The following RAB18 variants were observed in gnomAD, a reference collection of about 807,000 sequenced individuals.
The protein encoded by RAB18 is ras-related protein Rab-18.
In RAB18, 10 loss-of-function variants were observed where a neutral mutation model predicts 28.5. The observed-to-expected ratio is 0.35, with a 90% CI of 0.22 to 0.60. RAB18 has a LOEUF of 0.60. Ranked by LOEUF, RAB18 falls within the 20% of genes least tolerant of loss-of-function variation. The pLI, the probability that RAB18 is intolerant of heterozygous loss-of-function variation, is 0.78. For synonymous variants in RAB18, 93 were observed against 86.9 expected (o/e 1.07, Z -0.39); for missense variants, 188 against 244.2 (o/e 0.77, Z 1.53).
rs1288768920 is a variant in RAB18 at position 27,531,200 on chromosome 10, A to G, written c.187-1307A>G. ...GGGATTAGTTTCTGTGGTGGTAAGG[A>G]TCTGGAAGGAAAGGCTTTCAAATTT... On this transcript the variant is annotated intron_variant, in intron 3 of 6. Transcript: ENST00000356940. 2.6e-5 allele frequency among the ~76,000 whole-genome samples: 4 copies of G among 152,000 alleles called. No individual in the cohort carries two copies. The South Asian group carries it at 8.3e-4, about 32-fold the overall frequency.
rs369384071 is a variant in RAB18, at chr10:27,512,430, T to C, written c.124+2500T>C. 2.5e-4 allele frequency among the ~76,000 whole-genome samples: 38 copies of C among 152,220 alleles called. No homozygotes were observed. The East Asian group carries it at 7.1e-3, about 29-fold the overall frequency. ...AAGTGATTCTGGTGCCTCAGCCTCC[T>C]GTGTAGCTGGGACTACAGGCATGCA... On this transcript the variant is annotated intron_variant, in intron 2 of 6. Transcript: ENST00000356940.
intron 2 of RAB18, among the ~76,000 whole-genome samples, chr10:27,515,606 T>A (rs1834422370): frequency 6.6e-6 from 1 of 152,146 alleles, no homozygotes; most frequent in South Asian, 2.1e-4. Context: ...CAGTGGCTCA[T>A]GCCTATAATC....
chr10:27,529,851 A>G (rs1033327824), intron 3 of RAB18, among the ~76,000 whole-genome samples: 1 of 152,018 alleles, frequency 6.6e-6, no homozygotes, highest in African/African-American at 2.4e-5. Context: ...CCCCTAAATT[A>G]TAACACCTAT....
At chr10:27,527,315 G>C (rs998865602) in intron 3 of RAB18, among the ~76,000 whole-genome samples, 15 of 152,006 alleles carry the variant, frequency 9.9e-5, no homozygotes, top group African/African-American at 3.6e-4. Context: ...TAAAATTTGA[G>C]GTTTCAAACT....
rs542989096 is a variant in RAB18 at position 27,541,725 on chromosome 10, T to C, written c.*3674T>C. ...TTTGATTACTAGTGAGCTTGAGTAC[T>C]TTTAATATTTTATTGGATATGTTTG... On this transcript the variant is annotated 3_prime_UTR_variant, in exon 7 of 7. Transcript: ENST00000356940. 2.2e-6 allele frequency: 1 copy of C among 452,660 alleles called. No individual in the cohort carries two copies. The highest frequency in any genetic ancestry group is 2.0e-5 in the African/African-American group (1 of 49,904). 28.0% of individuals were successfully genotyped at this position (452,660 alleles called of 1,614,324 possible). A position where few individuals can be genotyped will look rare whatever the true frequency, so the allele number is the denominator to read the frequency against.
At chr10:27,523,546 G>T (rs1834609709) in intron 2 of RAB18, among the ~76,000 whole-genome samples, 1 of 150,284 alleles carries the variant, frequency 6.7e-6, no homozygotes, top group Non-Finnish European at 1.5e-5. Context: ...GTTTTCTTCT[G>T]CAGCGCCTAA....
chr10:27,504,553 C>T, intron 1 of RAB18, 116 bp downstream of exon 1: 2 of 1,196,508 alleles, frequency 1.7e-6, no homozygotes, highest in Non-Finnish European at 2.4e-6. Context: ...CGGGCCGGCT[C>T]CGCTCGCGCC....
chr10:27,509,408 G>A (rs1834280364), intron 1 of RAB18, among the ~76,000 whole-genome samples: 2 of 152,122 alleles, frequency 1.3e-5, no homozygotes, highest in African/African-American at 4.8e-5. Context: ...GTTACAGAAT[G>A]CTCGGCTTTG....
intron 1 of RAB18, chr10:27,504,638 C>G (rs1172258685): frequency 1.3e-6 from 1 of 754,860 alleles, no homozygotes; most frequent in Admixed American, 1.9e-5. Context: ...TGGTTCCCGG[C>G]CTTTGCCAGG....
chr10:27,509,730 G>A (rs749939195), intron 1 of RAB18, 145 bp from the exon 2 acceptor site: 5 of 719,240 alleles, frequency 7.0e-6, no homozygotes, highest in Non-Finnish European at 1.2e-5. Flanking sequence ...GTGTATACCT[G>A]CTCTGAGGCA....
At chr10:27,509,015 C>T (rs1338355965) in intron 1 of RAB18, among the ~76,000 whole-genome samples, 1 of 152,168 alleles carries the variant, frequency 6.6e-6, no homozygotes, top group Non-Finnish European at 1.5e-5. Flanking sequence ...TTTCTAATAA[C>T]TGACACTTCT....
chr10:27,515,319 T>C (rs892807336), intron 2 of RAB18, among the ~76,000 whole-genome samples: 1 of 152,180 alleles, frequency 6.6e-6, no homozygotes, highest in Admixed American at 6.5e-5. Flanking sequence ...TATTTTTTTA[T>C]TTACCCTGTT....
At chr10:27,522,213 A>G (rs987335252) in intron 2 of RAB18, among the ~76,000 whole-genome samples, 1 of 152,128 alleles carries the variant, frequency 6.6e-6, no homozygotes, top group South Asian at 2.1e-4. Flanking sequence ...AATTCTATCA[A>G]GTGTTTGCTT....
intron 1 of RAB18, 52 bp from the exon 2 acceptor site, chr10:27,509,823 A>G: frequency 2.9e-6 from 4 of 1,379,682 alleles, no homozygotes; most frequent in Middle Eastern, 1.8e-4. Flanking sequence ...CACATTTATC[A>G]TATGATTAGA....
chr10:27,525,562 T>C (rs967322148), intron 2 of RAB18, among the ~76,000 whole-genome samples: 2 of 152,178 alleles, frequency 1.3e-5, no homozygotes, highest in African/African-American at 4.8e-5. Flanking sequence ...GCATGTGGGA[T>C]TTTTTGTTTG....
At chr10:27,522,962 G>A (rs969499527) in intron 2 of RAB18, among the ~76,000 whole-genome samples, 4 of 151,706 alleles carry the variant, frequency 2.6e-5, no homozygotes, top group Middle Eastern at 3.4e-3. Context: ...AGCAACTTTT[G>A]GATTCATTGA....
rs566052735 is a variant in RAB18 at position 27,542,136 on chromosome 10, A to G, written c.*4085A>G. 2.0e-5 allele frequency: 9 copies of G among 454,098 alleles called. No homozygotes were observed. Among genetic ancestry groups the G allele is most frequent in the East Asian group, 1.4e-4 (2 of 14,394 alleles). The allele number at this position is 454,098 out of a possible 1,614,324, so 28.1% of individuals were successfully genotyped here. A position where few individuals can be genotyped will look rare whatever the true frequency, so the allele number is the denominator to read the frequency against. ...GCAGTACCAGGGTGAGAGGGAGTCT[A>G]TTGGAGCCCTTGGGAACTTCTGGAT... is the stretch of plus-strand genomic sequence containing the variant. On this transcript the variant is annotated 3_prime_UTR_variant, in exon 7 of 7. Transcript: ENST00000356940.
At chr10:27,510,611 TGA>T (rs1461830930) in intron 2 of RAB18, 1 of 152,614 alleles carries the variant, frequency 6.6e-6, no homozygotes, top group Non-Finnish European at 1.5e-5. Flanking sequence ...GTAGCTGAGC[TGA>T]GTCAGAGCTA....
chr10:27,512,314 T>G (rs1834340661), intron 2 of RAB18, among the ~76,000 whole-genome samples: 1 of 151,804 alleles, frequency 6.6e-6, no homozygotes, highest in Non-Finnish European at 1.5e-5. Flanking sequence ...TTAATTTTAT[T>G]TATTTATTTT....
Sources: gnomAD v4.1 joint callset for allele counts (sites outside exome capture counted in the v4.1 genomes callset) on GRCh38, gnomAD v4.1.1 for gene constraint, MANE v1.5 for transcripts, NCBI Gene and HGNC (gene_info 2026-07-23, HGNC 2026-07-21) for gene names.